The following NDUFV2 variants were observed in gnomAD, a reference collection of about 807,000 sequenced individuals.
NDUFV2 encodes NADH dehydrogenase [ubiquinone] flavoprotein 2, mitochondrial.
Under a neutral mutation model 31.6 loss-of-function variants are expected in NDUFV2, and 18 were observed. The ratio of observed to expected loss-of-function variants is 0.57; its 90% CI spans 0.39 to 0.84. NDUFV2 has a LOEUF of 0.84. NDUFV2 is among the 40% of genes least tolerant of loss of function. NDUFV2 has a pLI of 0.00. For missense variants in NDUFV2, 314 were observed against 303.6 expected (o/e 1.03, Z -0.26); for synonymous variants, 83 against 99.8 (o/e 0.83, Z 1.01).
chr18:9,109,924 A>T (rs2077861626), intron 1 of NDUFV2, among the ~76,000 whole-genome samples: 1 of 152,222 alleles, frequency 6.6e-6, no homozygotes, highest in Non-Finnish European at 1.5e-5. Context: ...CTAGAATTCA[A>T]ACCCACTGTT....
intron 1 of NDUFV2, among the ~76,000 whole-genome samples, chr18:9,105,342 T>A (rs755609316): frequency 2.0e-5 from 3 of 152,244 alleles, no homozygotes; most frequent in Non-Finnish European, 4.4e-5. Flanking sequence ...GAATTAAGTA[T>A]TAGTTTGTGT....
Position 9,109,191 on chromosome 18 carries a change from T to G in NDUFV2, c.54+6394T>G, listed in dbSNP as rs554586391. ...TTGGATTCACTAGAGATGTTTCATG[T>G]GTGCACTGTGACTCTTGCACAGGCA... On this transcript the variant is annotated intron_variant, in intron 1 of 7. Transcript: ENST00000318388. 1.2e-4 allele frequency among the ~76,000 whole-genome samples: 18 copies of G among 152,322 alleles called. No individual in the cohort carries two copies. The South Asian group carries it at 3.1e-3, about 26-fold the overall frequency.
chr18:9,108,684 A>G (rs1002597857), intron 1 of NDUFV2, among the ~76,000 whole-genome samples: 1 of 133,952 alleles, frequency 7.5e-6, no homozygotes, highest in African/African-American at 2.7e-5. Flanking sequence ...TTTGTTTTTC[A>G]TGGAATTTTT....
rs1457105498 is a variant in NDUFV2 at position 9,122,651 on chromosome 18, A to G, written c.439A>G (p.Ser147Gly). ...ACCCTGCATGCTTCGAAACTCTGAC[A>G]GCATACTGGAGGCCATTCAGAAAAA... ...TTPCMLRNSDSILEAIQKKLG... is the reference protein window; with the variant it reads ...TTPCMLRNSDGILEAIQKKLG... The change falls in exon 5 of 8, where the codon AGC becomes GGC. Residue 147 changes from serine to glycine, a missense_variant. Physicochemically the swap from Ser to Gly is moderately conservative, Grantham distance 56. Transcript: ENST00000318388. 3.1e-6 allele frequency: 5 copies of G among 1,614,010 alleles called. No individual in the cohort carries two copies. In the Admixed American group the frequency reaches 6.7e-5, roughly 22 times the overall value.
At chr18:9,106,180 T>C (rs143125020) in intron 1 of NDUFV2, among the ~76,000 whole-genome samples, 432 of 152,328 alleles carry the variant, frequency 2.8e-3, no homozygotes, top group African/African-American at 9.9e-3. Flanking sequence ...ACAGAATGTA[T>C]AGGGCTCCCT....
intron 4 of NDUFV2, among the ~76,000 whole-genome samples, chr18:9,120,101 A>G (rs1047459323): frequency 6.6e-6 from 1 of 152,164 alleles, no homozygotes; most frequent in Admixed American, 6.5e-5. Flanking sequence ...ATTTTATTCA[A>G]AGTTACTCTA....
intron 1 of NDUFV2, chr18:9,103,855 G>A (rs1389996904): frequency 3.4e-6 from 1 of 298,174 alleles, no homozygotes; most frequent in Non-Finnish European, 6.3e-6. Flanking sequence ...AATAATGATA[G>A]TCATTTGATA....
intron 1 of NDUFV2, among the ~76,000 whole-genome samples, chr18:9,106,493 C>T (rs1201897431): frequency 3.9e-5 from 6 of 152,096 alleles, no homozygotes; most frequent in Admixed American, 3.3e-4. Context: ...TGGTACTTTT[C>T]CTTCCAAATT....
intron 1 of NDUFV2, chr18:9,104,912 A>G (rs777552806): frequency 9.4e-6 from 14 of 1,490,280 alleles, no homozygotes; most frequent in Non-Finnish European, 3.6e-6. Context: ...GGAAATTACC[A>G]TTGTTAACAT....
chr18:9,115,134 C>T (rs1424845621), intron 1 of NDUFV2, among the ~76,000 whole-genome samples: 1 of 151,774 alleles, frequency 6.6e-6, no homozygotes, highest in African/African-American at 2.4e-5. Context: ...TTTTTTTGGC[C>T]AGTTAATCCA....
At chr18:9,124,355 T>C (rs2077968091) in intron 5 of NDUFV2, among the ~76,000 whole-genome samples, 1 of 151,656 alleles carries the variant, frequency 6.6e-6, no homozygotes, top group African/African-American at 2.4e-5. Context: ...ATTCCTGGGC[T>C]CAAGCCATCC....
chr18:9,105,715 C>A (rs1489104761), intron 1 of NDUFV2, among the ~76,000 whole-genome samples: 1 of 152,126 alleles, frequency 6.6e-6, no homozygotes, highest in Non-Finnish European at 1.5e-5. Flanking sequence ...TGGACTTAAT[C>A]GAGGAGCATG....
At chr18:9,116,570 T>TTA (rs969117013) in intron 1 of NDUFV2, among the ~76,000 whole-genome samples, 4 of 152,216 alleles carry the variant, frequency 2.6e-5, no homozygotes, top group African/African-American at 9.7e-5. Flanking sequence ...TGCCTTCCAA[T>TTA]TATCCTGAAA....
At chr18:9,110,462 T>C (rs1359120450) in intron 1 of NDUFV2, among the ~76,000 whole-genome samples, 1 of 152,222 alleles carries the variant, frequency 6.6e-6, no homozygotes, top group African/African-American at 2.4e-5. Flanking sequence ...AGCTAAGATT[T>C]ATCAGTTTAT....
chr18:9,104,261 A>T (rs376267029), intron 1 of NDUFV2: 28 of 1,612,274 alleles, frequency 1.7e-5, no homozygotes, highest in Non-Finnish European at 2.4e-5. Flanking sequence ...AGGGAGAGAC[A>T]GGGGCCAGAT....
intron 1 of NDUFV2, among the ~76,000 whole-genome samples, chr18:9,107,133 T>A (rs2077845842): frequency 6.6e-6 from 1 of 152,214 alleles, no homozygotes. Context: ...AGCCATAAAT[T>A]AGCAGTTTAA....
intron 1 of NDUFV2, among the ~76,000 whole-genome samples, chr18:9,107,550 C>T (rs2077847963): frequency 1.3e-5 from 2 of 152,142 alleles, no homozygotes; most frequent in African/African-American, 2.4e-5. Flanking sequence ...AGGTGTTACC[C>T]CATTTTATGT....
chr18:9,119,357 C>A lies in NDUFV2; in HGVS notation c.152C>A (p.Thr51Asn), dbSNP rs142405606. 31 of 1,613,180 alleles carry A rather than the reference C, an allele frequency of 1.9e-5. No homozygotes were observed. In the East Asian group the frequency reaches 6.0e-4, roughly 31 times the overall value. The change falls in exon 3 of 8, where the codon ACT (threonine) becomes AAT (asparagine). Residue 51 changes from threonine (T) to asparagine (N), a missense_variant. Thr to Asn is a moderately conservative substitution (Grantham distance 65). Coordinates refer to ENST00000318388, the MANE Select transcript of NDUFV2 (RefSeq NM_021074.5). ...HRDTPENNPDTPFDFTPENYK... is the reference protein window; with the variant it reads ...HRDTPENNPDNPFDFTPENYK... ...GATACTCCTGAGAATAACCCTGATACTCCATTTGATTTCACACCAGAAAAC... is the reference window on the plus strand; with the variant it reads ...GATACTCCTGAGAATAACCCTGATAATCCATTTGATTTCACACCAGAAAAC...
In NDUFV2 at chr18:9,106,305, C is replaced by T. The variant is rs1169170777; in HGVS notation, c.54+3508C>T. 3.3e-5 allele frequency among the ~76,000 whole-genome samples: 5 copies of T among 152,218 alleles called. No homozygotes were observed. In the East Asian group the frequency reaches 9.6e-4, roughly 29 times the overall value. On this transcript the variant is annotated intron_variant, in intron 1 of 7. Transcript: ENST00000318388. ...AGATGTGAAGAAAAAACAAAAACCT[C>T]ATTGGTTTTTTATGAATGTAGACTC...
Sources: gnomAD v4.1 joint callset for allele counts (sites outside exome capture counted in the v4.1 genomes callset) on GRCh38, gnomAD v4.1.1 for gene constraint, MANE v1.5 for transcripts, NCBI Gene and HGNC (gene_info 2026-07-23, HGNC 2026-07-21) for gene names.